CARMIL1: variants seen among roughly 807,000 people sequenced by gnomAD.
The protein encoded by CARMIL1 is capping protein regulator and myosin 1 linker 1, also known as F-actin-uncapping protein LRRC16A.
A neutral mutation model predicts 177.1 loss-of-function variants in CARMIL1; 90 were observed. The observed-to-expected ratio is 0.51, with a 90% confidence interval of 0.43 to 0.61. The LOEUF is 0.61. Ranked by LOEUF, CARMIL1 falls within the 20% of genes least tolerant of loss-of-function variation. The pLI, the probability that CARMIL1 is intolerant of heterozygous loss-of-function variation, is 0.00. For missense variants in CARMIL1, 1,380 were observed against 1,667.0 expected (o/e 0.83, Z 3.00); for synonymous variants, 577 against 606.2 (o/e 0.95, Z 0.71).
chr6:25,350,285 G>C (rs1787984245), intron 2 of CARMIL1, among the ~76,000 whole-genome samples: 1 of 152,096 alleles, frequency 6.6e-6, no homozygotes, highest in African/African-American at 2.4e-5. Context: ...TGGTGCCCGG[G>C]GCTGCATTTG....
intron 24 of CARMIL1, among the ~76,000 whole-genome samples, chr6:25,536,076 C>G (rs189231354): frequency 3.0e-3 from 459 of 152,218 alleles, no homozygotes; most frequent in Middle Eastern, 6.8e-3. Context: ...ATTAAAGATA[C>G]CAACTTTATA....
At chr6:25,412,293 G>T (rs761533345) in intron 2 of CARMIL1, among the ~76,000 whole-genome samples, 34 of 152,250 alleles carry the variant, frequency 2.2e-4, no homozygotes, top group Non-Finnish European at 7.3e-5. Context: ...AGAGAAGAGA[G>T]CCTGGTGCAG....
At chr6:25,514,785 G>A (rs1805806203) in intron 20 of CARMIL1, among the ~76,000 whole-genome samples, 1 of 152,028 alleles carries the variant, frequency 6.6e-6, no homozygotes, top group African/African-American at 2.4e-5. Context: ...TGAGCCGAAT[G>A]TGGTGGTACG....
chr6:25,458,175 T>C (rs1456497377), intron 8 of CARMIL1, among the ~76,000 whole-genome samples: 1 of 152,166 alleles, frequency 6.6e-6, no homozygotes, highest in African/African-American at 2.4e-5. Flanking sequence ...GCAAGAGATC[T>C]AGACTCTCAA....
chr6:25,554,163 C>A lies in CARMIL1; in HGVS notation c.2592+67C>A. 9.2e-7 allele frequency: 1 copy of A among 1,082,916 alleles called. No individual in the cohort carries two copies. The highest frequency in any genetic ancestry group is 1.3e-5 in the South Asian group (1 of 74,558). The allele number at this position is 1,082,916 out of a possible 1,614,324, so 67.1% of individuals were successfully genotyped here. On this transcript the variant is annotated intron_variant, in intron 28 of 36. Transcript: ENST00000329474. This position sits in a 1 kb window ranked among gnomAD's most constrained non-coding sequence, Gnocchi z 4.6. ...CTCTGCTGTGATGCAGGATGACTTC[C>A]GGTGTGGGGATGTGATTTCTTTTCT...
At chr6:25,488,802 T>G (rs1802921103) in intron 13 of CARMIL1, among the ~76,000 whole-genome samples, 2 of 152,218 alleles carry the variant, frequency 1.3e-5, no homozygotes, top group South Asian at 4.1e-4. Context: ...TTTTTCTCAT[T>G]TAGTGATGCT....
chr6:25,546,747 C>T (rs1273850238), intron 26 of CARMIL1, among the ~76,000 whole-genome samples: 1 of 151,368 alleles, frequency 6.6e-6, no homozygotes, highest in African/African-American at 2.4e-5. Context: ...AAAATACTCA[C>T]CATTTAAAAT....
intron 31 of CARMIL1, among the ~76,000 whole-genome samples, chr6:25,582,875 C>T (rs2328879): frequency 0.47 from 70,855 of 151,996 alleles, 16,809 homozygotes; most frequent in South Asian, 0.54. Context: ...TAAGGGAAAA[C>T]AGCCTAGAGT....
chr6:25,345,067 C>G (rs4712915), intron 2 of CARMIL1, among the ~76,000 whole-genome samples: 38,140 of 152,052 alleles, frequency 0.25, 4,985 homozygotes, highest in South Asian at 0.41. Context: ...CTGAGCCCAT[C>G]ACAGTCAAGT....
At chr6:25,475,155 C>G (rs1393271978) in intron 11 of CARMIL1, among the ~76,000 whole-genome samples, 1 of 152,188 alleles carries the variant, frequency 6.6e-6, no homozygotes, top group Non-Finnish European at 1.5e-5. Context: ...CCTGTAATCC[C>G]AGCACTTTGG....
intron 26 of CARMIL1, among the ~76,000 whole-genome samples, chr6:25,540,386 A>G (rs1255005877): frequency 1.3e-5 from 2 of 152,204 alleles, no homozygotes; most frequent in Non-Finnish European, 1.5e-5. Context: ...ACCTTCTGTT[A>G]TTAACATCTG....
intron 29 of CARMIL1, among the ~76,000 whole-genome samples, chr6:25,557,563 A>G (rs932349473): frequency 2.6e-5 from 4 of 152,230 alleles, no homozygotes; most frequent in South Asian, 2.1e-4. Flanking sequence ...CATCCTCTGT[A>G]TTCAATATGT....
chr6:25,433,475 G>A (rs1796982032), intron 4 of CARMIL1, among the ~76,000 whole-genome samples: 2 of 152,202 alleles, frequency 1.3e-5, no homozygotes, highest in Admixed American at 1.3e-4. Context: ...ATGTGCATAT[G>A]AAAAATATGA....
intron 2 of CARMIL1, among the ~76,000 whole-genome samples, chr6:25,293,894 G>A (rs1434844200): frequency 6.6e-6 from 1 of 152,088 alleles, no homozygotes; most frequent in Non-Finnish European, 1.5e-5. Context: ...GCTAATTTCT[G>A]TATTTTTTGT....
chr6:25,585,945 TC>T, intron 31 of CARMIL1, among the ~76,000 whole-genome samples: 1 of 152,344 alleles, frequency 6.6e-6, no homozygotes, highest in East Asian at 1.9e-4. Flanking sequence ...TATGTCTACT[TC>T]TTTCTACACA....
intron 2 of CARMIL1, among the ~76,000 whole-genome samples, chr6:25,368,894 T>C (rs886293029): frequency 6.6e-6 from 1 of 152,242 alleles, no homozygotes. Flanking sequence ...ATCAGTATGT[T>C]ATATAGAATG....
At chr6:25,280,027 A>G (rs926706527) in intron 1 of CARMIL1, among the ~76,000 whole-genome samples, 192 bp downstream of exon 1, 1 of 151,956 alleles carries the variant, frequency 6.6e-6, no homozygotes, top group Non-Finnish European at 1.5e-5. Context: ...CCAAGTGCAG[A>G]GAGGGAAGGC....
intron 9 of CARMIL1, among the ~76,000 whole-genome samples, chr6:25,468,202 A>T (rs57929668): frequency 0.031 from 3,200 of 102,178 alleles, 109 homozygotes; most frequent in African/African-American, 0.087. Context: ...AAGGATTTTT[A>T]AAAAAAAAAA....
intron 5 of CARMIL1, among the ~76,000 whole-genome samples, chr6:25,443,451 T>C (rs1209877719): frequency 6.6e-6 from 1 of 152,230 alleles, no homozygotes; most frequent in East Asian, 1.9e-4. Context: ...CTTGTAGATC[T>C]TGTGCATTTA....
Sources: allele counts gnomAD v4.1 joint callset (sites outside exome capture counted in the v4.1 genomes callset), GRCh38; gene constraint gnomAD v4.1.1; non-coding constraint Gnocchi (gnomAD v3.1); transcripts MANE v1.5; gene names NCBI Gene and HGNC (gene_info 2026-07-23, HGNC 2026-07-21).